The following MECOM variants were observed in gnomAD, a reference collection of about 807,000 sequenced individuals.
MECOM encodes the protein histone-lysine N-methyltransferase MECOM.
MECOM carries 13 observed loss-of-function variants against 116.3 expected under a neutral mutation model. The ratio of observed to expected loss-of-function variants is 0.11; its 90% CI spans 0.07 to 0.18. The LOEUF (loss-of-function observed/expected upper bound fraction) is 0.18, where lower values mean the gene tolerates loss of function less well. MECOM is among the 10% of genes least tolerant of loss of function. MECOM has a pLI of 1.00. For missense variants in MECOM, 1,299 were observed against 1,509.0 expected (o/e 0.86, Z 2.31); for synonymous variants, 528 against 535.2 (o/e 0.99, Z 0.19).
chr3:169,609,531 C>G (rs966168865), intron 1 of MECOM, among the ~76,000 whole-genome samples: 1 of 151,388 alleles, frequency 6.6e-6, no homozygotes, highest in Non-Finnish European at 1.5e-5. Context: ...TCCAGATAAG[C>G]TAAAGCAGAT....
At chr3:169,394,423 T>C (rs1466784810) in intron 1 of MECOM, among the ~76,000 whole-genome samples, 2 of 152,156 alleles carry the variant, frequency 1.3e-5, no homozygotes, top group African/African-American at 4.8e-5. Context: ...CTAAAAGTGA[T>C]ATTCCATTTT....
intron 2 of MECOM, among the ~76,000 whole-genome samples, chr3:169,148,371 C>T (rs969255711): frequency 2.6e-5 from 4 of 151,934 alleles, no homozygotes; most frequent in South Asian, 2.1e-4. Flanking sequence ...TTCTAATATA[C>T]CTTGGGTACA....
intron 1 of MECOM, among the ~76,000 whole-genome samples, chr3:169,610,025 G>C (rs1769057713): frequency 6.6e-6 from 1 of 152,128 alleles, no homozygotes; most frequent in South Asian, 2.1e-4. Context: ...CCCCAAGCTG[G>C]AAGAAATCAT....
At chr3:169,659,440 A>AT (rs56270349) in intron 1 of MECOM, among the ~76,000 whole-genome samples, 4,948 of 62,004 alleles carry the variant, frequency 0.08, 1,359 homozygotes, top group Non-Finnish European at 0.11. Flanking sequence ...CTAAACACAG[A>AT]TTTTTTTTTT....
At chr3:169,304,555 C>T (rs1717329325) in intron 2 of MECOM, among the ~76,000 whole-genome samples, 2 of 152,248 alleles carry the variant, frequency 1.3e-5, no homozygotes, top group Admixed American at 6.5e-5. Context: ...AGTTGAAGTG[C>T]TTTCCTTATA....
At chr3:169,338,794 A>G (rs1724007697) in intron 2 of MECOM, among the ~76,000 whole-genome samples, 1 of 151,774 alleles carries the variant, frequency 6.6e-6, no homozygotes, top group Non-Finnish European at 1.5e-5. Flanking sequence ...TAGACTATAA[A>G]CCCCTAGAAG....
chr3:169,389,502 G>A, intron 1 of MECOM: 5 of 914,664 alleles, frequency 5.5e-6, no homozygotes, highest in Non-Finnish European at 6.5e-6. Flanking sequence ...TTTTAGCTAT[G>A]TGCCTCTACT....
chr3:169,361,870 T>A (rs2149825604), intron 2 of MECOM, among the ~76,000 whole-genome samples: 1 of 151,958 alleles, frequency 6.6e-6, no homozygotes, highest in East Asian at 2.0e-4. Flanking sequence ...ATGCAGTTCA[T>A]ACCTATATCT....
chr3:169,623,721 C>T (rs544773820), intron 1 of MECOM, among the ~76,000 whole-genome samples: 1 of 151,766 alleles, frequency 6.6e-6, no homozygotes, highest in South Asian at 2.1e-4. Flanking sequence ...CCTACTTGGC[C>T]CTTAAAAAAA....
At chr3:169,299,495 A>C (rs1235939624) in intron 2 of MECOM, among the ~76,000 whole-genome samples, 4 of 152,192 alleles carry the variant, frequency 2.6e-5, no homozygotes, top group African/African-American at 9.6e-5. Context: ...TTGAGTCGCC[A>C]TTGTATCATT....
At chr3:169,283,083 A>G (rs1712472219) in intron 2 of MECOM, among the ~76,000 whole-genome samples, 1 of 152,204 alleles carries the variant, frequency 6.6e-6, no homozygotes, top group Admixed American at 6.5e-5. Context: ...CAGAGATTCA[A>G]CCTATTTTCT....
chr3:169,317,011 A>G (rs1719864230), intron 2 of MECOM, among the ~76,000 whole-genome samples: 1 of 152,230 alleles, frequency 6.6e-6, no homozygotes, highest in African/African-American at 2.4e-5. Flanking sequence ...GCATGATTCC[A>G]GAGATAAGAA....
At chr3:169,456,542 T>C (rs1205631439) in intron 1 of MECOM, among the ~76,000 whole-genome samples, 1 of 152,140 alleles carries the variant, frequency 6.6e-6, no homozygotes, top group Non-Finnish European at 1.5e-5. Flanking sequence ...AAAGAAAATA[T>C]AAAGTGCCAT....
chr3:169,143,082 A>C (rs1265684501), intron 3 of MECOM, among the ~76,000 whole-genome samples: 1 of 152,046 alleles, frequency 6.6e-6, no homozygotes, highest in Non-Finnish European at 1.5e-5. Context: ...TTTATTTCAC[A>C]GTTATTGTTA....
At chr3:169,544,778 C>G (rs1030443442) in intron 1 of MECOM, among the ~76,000 whole-genome samples, 3 of 152,090 alleles carry the variant, frequency 2.0e-5, no homozygotes, top group Admixed American at 6.6e-5. Context: ...GAACAGAAAA[C>G]CAAACACCAC....
chr3:169,512,713 C>T (rs12485607), intron 1 of MECOM, among the ~76,000 whole-genome samples: 2,710 of 152,248 alleles, frequency 0.018, 29 homozygotes, highest in Middle Eastern at 0.037. Flanking sequence ...GGTGAAATCA[C>T]GAAGTCTTGT....
chr3:169,644,941 C>T (rs1425323621), intron 1 of MECOM, among the ~76,000 whole-genome samples: 1 of 152,138 alleles, frequency 6.6e-6, no homozygotes, highest in Non-Finnish European at 1.5e-5. Context: ...CTGACTTAGT[C>T]CTCTCTTTGA....
intron 1 of MECOM, among the ~76,000 whole-genome samples, chr3:169,647,099 G>A (rs1443666376): frequency 6.6e-6 from 1 of 152,100 alleles, no homozygotes; most frequent in Non-Finnish European, 1.5e-5. Flanking sequence ...GAATGCCCAG[G>A]CAATGTAGTG....
intron 3 of MECOM, among the ~76,000 whole-genome samples, chr3:169,134,814 C>A (rs543481958): frequency 6.6e-6 from 1 of 152,180 alleles, no homozygotes; most frequent in Admixed American, 6.5e-5. Flanking sequence ...TGCCAGCAGG[C>A]ATTTGAGAAG....
Sources: allele counts gnomAD v4.1 joint callset (sites outside exome capture counted in the v4.1 genomes callset), GRCh38; gene constraint gnomAD v4.1.1; transcripts MANE v1.5; gene names NCBI Gene and HGNC (gene_info 2026-07-23, HGNC 2026-07-21).